Variants in LHFPL3 observed in about 807,000 individuals in gnomAD.
The protein encoded by LHFPL3 is LHFPL tetraspan subfamily member 3.
Under a neutral mutation model 19.3 loss-of-function variants are expected in LHFPL3, and 5 were observed. The ratio of observed to expected loss-of-function variants is 0.26; its 90% CI spans 0.14 to 0.54. The LOEUF (loss-of-function observed/expected upper bound fraction) is 0.54, where lower values mean the gene tolerates loss of function less well. LHFPL3 is among the 20% of genes least tolerant of loss of function. The pLI is 0.94. For synonymous variants in LHFPL3, 133 were observed against 126.2 expected (o/e 1.05, Z -0.36); for missense variants, 249 against 307.4 (o/e 0.81, Z 1.42).
chr7:104,487,692 C>T (rs905444718), intron 1 of LHFPL3, among the ~76,000 whole-genome samples: 5 of 152,162 alleles, frequency 3.3e-5, no homozygotes, highest in Admixed American at 6.5e-5. Context: ...TATTCAGGGA[C>T]GTGTTGAGTC....
chr7:104,400,361 T>C (rs1791291996), intron 1 of LHFPL3, among the ~76,000 whole-genome samples: 1 of 152,160 alleles, frequency 6.6e-6, no homozygotes, highest in South Asian at 2.1e-4. Context: ...TTGTATTTGG[T>C]AGACTTTGTC....
intron 2 of LHFPL3, among the ~76,000 whole-genome samples, chr7:104,892,708 CAAAAAAAA>C (rs35855839): frequency 1.2e-4 from 8 of 68,460 alleles, no homozygotes; most frequent in Admixed American, 3.5e-4. Context: ...GAGACTGTCT[CAAAAAAAA>C]AAAAAAAAAA....
chr7:104,755,582 C>CCA (rs35584345), intron 2 of LHFPL3, among the ~76,000 whole-genome samples: 45,434 of 150,478 alleles, frequency 0.3, 7,647 homozygotes, highest in East Asian at 0.77. Context: ...CCCAACACCA[C>CCA]CACACACACA....
intron 1 of LHFPL3, among the ~76,000 whole-genome samples, chr7:104,588,224 T>A (rs1790626213): frequency 6.6e-6 from 1 of 152,214 alleles, no homozygotes; most frequent in Admixed American, 6.5e-5. Context: ...TGCCTAGGTT[T>A]TCTTCTAAGG....
At position 104,420,118 on chromosome 7, in the gene LHFPL3, C is replaced by T. The variant is rs117675509; in HGVS notation, c.445+90894C>T. On this transcript the variant is annotated intron_variant, in intron 1 of 2. Coordinates refer to ENST00000424859, the MANE Select transcript of LHFPL3 (RefSeq NM_199000.3). ...GAAGACCCCACCTGCCTAGATTGGC[C>T]AAGCCTTACTAGTCCACAACCAAAG... Among the ~76,000 whole-genome samples, 1,316 of 152,274 alleles carry T rather than the reference C, an allele frequency of 8.6e-3. 77 individuals carry two copies. In the East Asian group the frequency reaches 0.16, roughly 19 times the overall value.
rs564923441 is a variant in LHFPL3, at chr7:104,758,089, G to A, written c.682+21178G>A. On this transcript the variant is annotated intron_variant, in intron 2 of 2. Coordinates refer to ENST00000424859, the MANE Select transcript of LHFPL3 (RefSeq NM_199000.3). ...CCAGCTGGAGGCCATCATCCTAAGC[G>A]AATTAACAGAGGAACAAAAAACCAA... Among the ~76,000 whole-genome samples the A allele has an allele frequency of 4.6e-5, 7 of 152,204 alleles. No homozygotes were observed. The East Asian group carries it at 7.7e-4, about 17-fold the overall frequency.
intron 1 of LHFPL3, among the ~76,000 whole-genome samples, chr7:104,729,897 C>G (rs1562975066): frequency 1.3e-5 from 2 of 151,248 alleles, no homozygotes; most frequent in African/African-American, 4.9e-5. Context: ...CCTCCCCACT[C>G]CCCCCACCCC....
At chr7:104,372,156 C>T (rs187927438) in intron 1 of LHFPL3, among the ~76,000 whole-genome samples, 1 of 152,288 alleles carries the variant, frequency 6.6e-6, no homozygotes, top group East Asian at 1.9e-4. Flanking sequence ...TGACTTTCTT[C>T]CTGTAGCTGG....
At chr7:104,754,231 AAAAG>A (rs1444684440) in intron 2 of LHFPL3, among the ~76,000 whole-genome samples, 1 of 152,250 alleles carries the variant, frequency 6.6e-6, no homozygotes. Context: ...CTTAATAAAA[AAAAG>A]AAACAGAATA....
chr7:104,369,198 GTC>G (rs1211182063), intron 1 of LHFPL3, among the ~76,000 whole-genome samples: 1 of 152,154 alleles, frequency 6.6e-6, no homozygotes, highest in Admixed American at 6.5e-5. Context: ...ATTCTCTTGA[GTC>G]TGTGTGCACT....
At chr7:104,814,412 G>C (rs908803734) in intron 2 of LHFPL3, among the ~76,000 whole-genome samples, 2 of 152,154 alleles carry the variant, frequency 1.3e-5, no homozygotes, top group Non-Finnish European at 2.9e-5. Flanking sequence ...CTGATCATCT[G>C]ACATCTGCTC....
intron 1 of LHFPL3, among the ~76,000 whole-genome samples, chr7:104,713,436 C>G (rs1243120817): frequency 6.6e-6 from 1 of 151,982 alleles, no homozygotes; most frequent in African/African-American, 2.4e-5. Flanking sequence ...GAAGGCAAAG[C>G]GGAAAAAGGC....
chr7:104,550,224 A>G (rs1442969109), intron 1 of LHFPL3, among the ~76,000 whole-genome samples: 2 of 151,992 alleles, frequency 1.3e-5, no homozygotes, highest in African/African-American at 4.8e-5. Context: ...CACCAATTTA[A>G]ATAATAATCT....
Position 104,817,834 on chromosome 7 carries a change from C to T in LHFPL3, c.682+80923C>T, listed in dbSNP as rs148617439. 9.5e-3 allele frequency among the ~76,000 whole-genome samples: 1,443 copies of T among 152,296 alleles called. 29 individuals are homozygous for T. The highest frequency in any genetic ancestry group is 0.033 in the African/African-American group (1,372 of 41,572). ...ACATCATCAACTGTCTTTTGAAATC[C>T]TCCCATTGCTGACTGATCATAAAGT... On this transcript the variant is annotated intron_variant, in intron 2 of 2. Coordinates refer to ENST00000424859, the MANE Select transcript of LHFPL3 (RefSeq NM_199000.3).
intron 1 of LHFPL3, among the ~76,000 whole-genome samples, chr7:104,626,851 TG>T (rs1290103884): frequency 6.6e-6 from 1 of 152,182 alleles, no homozygotes; most frequent in Non-Finnish European, 1.5e-5. Context: ...CAACATCACT[TG>T]TTATTATTTT....
At chr7:104,799,349 A>T (rs1790196338) in intron 2 of LHFPL3, 1 of 152,198 alleles carries the variant, frequency 6.6e-6, no homozygotes, top group South Asian at 2.1e-4. Context: ...TCAGGAGGAG[A>T]GTAGGGTCTC....
chr7:104,835,147 T>C (rs577339993), intron 2 of LHFPL3, among the ~76,000 whole-genome samples: 18 of 152,074 alleles, frequency 1.2e-4, no homozygotes, highest in African/African-American at 4.1e-4. Context: ...ATTTTGTCAT[T>C]TGGACCTCAG....
chr7:104,864,555 A>C (rs1362991453), intron 2 of LHFPL3, among the ~76,000 whole-genome samples: 1 of 152,230 alleles, frequency 6.6e-6, no homozygotes, highest in Non-Finnish European at 1.5e-5. Flanking sequence ...GCAAGGCAGC[A>C]GTGAGGCTGG....
At chr7:104,624,492 G>C (rs1189943259) in intron 1 of LHFPL3, among the ~76,000 whole-genome samples, 1 of 152,174 alleles carries the variant, frequency 6.6e-6, no homozygotes, top group East Asian at 1.9e-4. Flanking sequence ...ATATGTGGAG[G>C]TGCTTCAGCT....
Sources: gnomAD v4.1 joint callset for allele counts (sites outside exome capture counted in the v4.1 genomes callset) on GRCh38, gnomAD v4.1.1 for gene constraint, MANE v1.5 for transcripts, NCBI Gene and HGNC (gene_info 2026-07-23, HGNC 2026-07-21) for gene names.